Variants in LMLN observed in about 807,000 individuals in gnomAD.
The protein encoded by LMLN is leishmanolysin like peptidase, also known as leishmanolysin-like peptidase.
A neutral mutation model predicts 92.3 loss-of-function variants in LMLN; 70 were observed. The ratio of observed to expected loss-of-function variants is 0.76; its 90% CI spans 0.63 to 0.92. LMLN has a LOEUF of 0.92. Among genes scored for constraint, LMLN ranks in the 40% least tolerant of loss-of-function variants. LMLN has a pLI of 0.00. For missense variants in LMLN, 691 were observed against 814.6 expected (o/e 0.85, Z 1.85); for synonymous variants, 308 against 296.2 (o/e 1.04, Z -0.41).
chr3:197,969,087 CTT>C (rs879484358), intron 1 of LMLN, among the ~76,000 whole-genome samples: 14 of 144,486 alleles, frequency 9.7e-5, no homozygotes, highest in Admixed American at 2.8e-4. Context: ...TTCTCTCTGT[CTT>C]TTTTTTTTTT....
intron 14 of LMLN, among the ~76,000 whole-genome samples, chr3:198,030,280 C>T (rs1310283537): frequency 3.9e-5 from 6 of 152,190 alleles, no homozygotes; most frequent in African/African-American, 9.7e-5. Flanking sequence ...CTTTCCCCAT[C>T]GTACACTTCT....
exon 10 of LMLN, chr3:197,996,255 C>A (rs1229224633): frequency 6.2e-7 from 1 of 1,600,446 alleles, no homozygotes; most frequent in Non-Finnish European, 8.5e-7. Context: ...GCACTGAGCT[C>A]AACCATTGGG....
chr3:198,027,241 G>C (rs1277372493), intron 14 of LMLN, among the ~76,000 whole-genome samples: 1 of 151,720 alleles, frequency 6.6e-6, no homozygotes, highest in Non-Finnish European at 1.5e-5. Context: ...TGACCTCCCG[G>C]TCACACACCT....
chr3:198,035,981 G>T, exon 15 of LMLN: 1 of 1,614,042 alleles, frequency 6.2e-7, no homozygotes, highest in Non-Finnish European at 8.5e-7. Flanking sequence ...TGGGACTTCT[G>T]TGAGCTCTGT....
In LMLN at chr3:197,996,155, AT is replaced by A. The variant is rs757865107; in HGVS notation, c.1048-12del. ...TACTTTTGTACCATATTTGTTTCTG[AT>A]TTTTTTTCTGGTTCTTAGGAGGAAG... On this transcript the variant is annotated intron_variant, in intron 9 of 15. Coordinates refer to ENST00000330198, the Ensembl canonical transcript of LMLN. The A allele has an allele frequency of 1.0e-5, 15 of 1,443,332 alleles. No homozygotes were observed. Among genetic ancestry groups the A allele is most frequent in the South Asian group, 2.6e-5 (2 of 75,800 alleles). 89.4% of individuals were successfully genotyped at this position (1,443,332 alleles called of 1,614,324 possible).
At position 197,960,278 on chromosome 3, in the gene LMLN, C is replaced by G; in HGVS notation, c.57C>G (p.Tyr19Ter). ...CCGAATGGGGCGGAGGAGTGGGTTACTCGGGCTCAGGCCCGGGCCGGAGCC... is the reference window on the plus strand; with the variant it reads ...CCGAATGGGGCGGAGGAGTGGGTTAGTCGGGCTCAGGCCCGGGCCGGAGCC... The change falls in exon 1 of 16, where the codon TAC (tyrosine) becomes TAG (stop). Residue 19 changes from tyrosine to a stop codon, truncating the protein, a stop_gained. Coordinates refer to ENST00000330198, the Ensembl canonical transcript of LMLN. LOFTEE classifies it high-confidence loss of function. 1.2e-6 allele frequency: 2 copies of G among 1,613,626 alleles called. No homozygotes were observed. The highest frequency in any genetic ancestry group is 1.7e-6 in the Non-Finnish European group (2 of 1,179,762).
chr3:197,992,746 A>G (rs1393094998), intron 9 of LMLN, among the ~76,000 whole-genome samples: 2 of 152,154 alleles, frequency 1.3e-5, no homozygotes, highest in Non-Finnish European at 2.9e-5. Flanking sequence ...ACTTTTCCAA[A>G]AAATTGAAGA....
intron 14 of LMLN, among the ~76,000 whole-genome samples, chr3:198,033,847 T>G (rs2109956404): frequency 6.6e-6 from 1 of 152,388 alleles, no homozygotes; most frequent in Middle Eastern, 3.4e-3. Context: ...GATGTTGCAC[T>G]GTAGCTGTGG....
chr3:197,997,040 C>CT (rs373634190), intron 10 of LMLN, among the ~76,000 whole-genome samples: 121 of 127,992 alleles, frequency 9.5e-4, no homozygotes, highest in African/African-American at 3.5e-3. Context: ...CTTTTCTTTT[C>CT]TTTCTTTCTT....
intron 7 of LMLN, among the ~76,000 whole-genome samples, 188 bp downstream of exon 7, chr3:197,984,236 G>A (rs1462656095): frequency 1.3e-5 from 2 of 151,880 alleles, no homozygotes; most frequent in African/African-American, 2.4e-5. Flanking sequence ...GCATGGTGGT[G>A]TGCACCTGTC....
chr3:197,974,904 A>G, intron 2 of LMLN, 138 bp from the exon 3 acceptor site: 1 of 658,942 alleles, frequency 1.5e-6, no homozygotes, highest in Non-Finnish European at 2.7e-6. Flanking sequence ...TTAGAAAAGT[A>G]AAGGAATAAA....
chr3:197,987,727 A>G (rs1721752921), intron 8 of LMLN, among the ~76,000 whole-genome samples: 1 of 152,238 alleles, frequency 6.6e-6, no homozygotes. Context: ...TGTTTACACT[A>G]TAAATTTTAA....
chr3:198,010,773 A>G (rs1722411869), intron 11 of LMLN, among the ~76,000 whole-genome samples: 1 of 151,984 alleles, frequency 6.6e-6, no homozygotes, highest in South Asian at 2.1e-4. Context: ...CTTAATCTTG[A>G]TTTTTGAGAT....
rs182679567 is a variant in LMLN, at chr3:197,975,276, T to A, written c.348+204T>A. 3.3e-3 allele frequency among the ~76,000 whole-genome samples: 496 copies of A among 152,372 alleles called. 5 individuals are homozygous for A. The highest frequency in any genetic ancestry group is 0.016 in the South Asian group (76 of 4,830). ...GGTATTGGGCATTAAATTAGTCTTT[T>A]TTTGTAATTTGATAATCAGTTTTCT... On this transcript the variant is annotated intron_variant, in intron 3 of 15. Coordinates refer to ENST00000330198, the Ensembl canonical transcript of LMLN.
At chr3:197,996,112 T>G in intron 9 of LMLN, 63 bp from the exon 10 acceptor site, 1 of 796,538 alleles carries the variant, frequency 1.3e-6, no homozygotes, top group South Asian at 2.1e-5. Context: ...TGATGAAAAG[T>G]TTGCTGTTAT....
At chr3:198,016,194 C>CAAA (rs202075630) in intron 11 of LMLN, among the ~76,000 whole-genome samples, 1 of 83,872 alleles carries the variant, frequency 1.2e-5, no homozygotes, top group South Asian at 3.8e-4. Context: ...GTTGCAAAAA[C>CAAA]AAAAAAAAAA....
chr3:198,040,939 C>T (rs1723387342), exon 16 of LMLN: 1 of 145,174 alleles, frequency 6.9e-6, no homozygotes, highest in Non-Finnish European at 1.6e-5. Context: ...CGGACAGACT[C>T]CTCCTATTCC....
At chr3:197,983,991 G>T in exon 7 of LMLN, 2 of 1,613,926 alleles carry the variant, frequency 1.2e-6, no homozygotes, top group Non-Finnish European at 1.7e-6. Context: ...TCTCTACCCA[G>T]CCTCAGGAGT....
intron 9 of LMLN, among the ~76,000 whole-genome samples, chr3:197,991,185 C>T: frequency 6.7e-6 from 1 of 150,188 alleles, no homozygotes; most frequent in Non-Finnish European, 1.5e-5. Flanking sequence ...CTCACTGCAA[C>T]CTCTGTCTCC....
Sources: allele counts gnomAD v4.1 joint callset (sites outside exome capture counted in the v4.1 genomes callset), GRCh38; gene constraint gnomAD v4.1.1; transcripts MANE v1.5; gene names NCBI Gene and HGNC (gene_info 2026-07-23, HGNC 2026-07-21).